The following CYFIP2 variants were observed in gnomAD, a reference collection of about 807,000 sequenced individuals.
CYFIP2 encodes the protein cytoplasmic FMR1-interacting protein 2.
In CYFIP2, 29 loss-of-function variants were observed where a neutral mutation model predicts 158.7. That is an observed-to-expected ratio of 0.18 (90% CI 0.14 to 0.25). The LOEUF (loss-of-function observed/expected upper bound fraction) is 0.25. CYFIP2 is among the 10% of genes least tolerant of loss of function. CYFIP2 has a pLI of 1.00. For missense variants in CYFIP2, 852 were observed against 1,639.5 expected, an observed-to-expected ratio of 0.52 and a Z score of 8.29; for synonymous variants, 585 against 617.6, an observed-to-expected ratio of 0.95 and a Z score of 0.78.
chr5:157,295,328 T>TC (rs374873303), intron 4 of CYFIP2, among the ~76,000 whole-genome samples: 2 of 152,252 alleles, frequency 1.3e-5, no homozygotes, highest in Non-Finnish European at 2.9e-5. Flanking sequence ...CTTGCTTTTT[T>TC]CCCCACTTAA....
At chr5:157,388,489 C>T (rs575928714) in intron 28 of CYFIP2, among the ~76,000 whole-genome samples, 9 of 152,366 alleles carry the variant, frequency 5.9e-5, no homozygotes, top group Admixed American at 6.5e-5. Flanking sequence ...GACAATCCCA[C>T]TCACTACTCC....
intron 26 of CYFIP2, among the ~76,000 whole-genome samples, chr5:157,378,802 G>T (rs887776362): frequency 6.6e-6 from 1 of 152,182 alleles, no homozygotes; most frequent in Non-Finnish European, 1.5e-5. Flanking sequence ...AATGTTCATT[G>T]CCTCTCCTTC....
intron 1 of CYFIP2, among the ~76,000 whole-genome samples, chr5:157,282,060 A>G (rs1757030808): frequency 1.3e-5 from 2 of 152,220 alleles, no homozygotes; most frequent in South Asian, 4.1e-4. Flanking sequence ...TTATCCAGAC[A>G]GTCCTCTGTT....
chr5:157,331,180 A>G (rs1439783073), intron 20 of CYFIP2, among the ~76,000 whole-genome samples: 3 of 151,946 alleles, frequency 2.0e-5, no homozygotes, highest in Non-Finnish European at 4.4e-5. Flanking sequence ...TCTGTCCCTG[A>G]ACAGGGCCCA....
chr5:157,324,236 T>C (rs1277666854), intron 16 of CYFIP2, among the ~76,000 whole-genome samples, 162 bp downstream of exon 16: 3 of 152,246 alleles, frequency 2.0e-5, no homozygotes, highest in African/African-American at 7.2e-5. Context: ...CAGTGGGCTT[T>C]TGGAGCTAGG....
chr5:157,284,650 C>G (rs1022371154), intron 1 of CYFIP2, among the ~76,000 whole-genome samples: 2 of 152,214 alleles, frequency 1.3e-5, no homozygotes, highest in African/African-American at 2.4e-5. Flanking sequence ...GCTTCTAATC[C>G]TGCCAAACAT....
chr5:157,310,358 G>T (rs1759605629), intron 10 of CYFIP2, among the ~76,000 whole-genome samples: 1 of 152,166 alleles, frequency 6.6e-6, no homozygotes, highest in East Asian at 1.9e-4. Flanking sequence ...TGCTCTTTTG[G>T]TCTCTGAGGC....
rs192793583 is a variant in CYFIP2 at position 157,317,524 on chromosome 5, C to T, written c.1357-2238C>T. ...TCTACTTTGGGAAATGAGGATATAG[C>T]TCTCTCCTTCCTACCTCCCATCCCT... is the stretch of plus-strand genomic sequence containing the variant. On this transcript the variant is annotated intron_variant, in intron 13 of 30. Coordinates refer to ENST00000620254, the MANE Select transcript of CYFIP2 (RefSeq NM_001037333.3). Among the ~76,000 whole-genome samples, 9 of 152,206 alleles carry T rather than the reference C, an allele frequency of 5.9e-5. No homozygotes were observed. The East Asian group carries it at 1.4e-3, about 23-fold the overall frequency.
intron 9 of CYFIP2, among the ~76,000 whole-genome samples, chr5:157,309,167 G>A (rs1759494465): frequency 6.6e-6 from 1 of 152,198 alleles, no homozygotes; most frequent in Non-Finnish European, 1.5e-5. Context: ...GCTATTGTGT[G>A]GCTTGAGATA....
chr5:157,391,178 C>T (rs1269083664), intron 30 of CYFIP2, among the ~76,000 whole-genome samples: 1 of 152,078 alleles, frequency 6.6e-6, no homozygotes, highest in Non-Finnish European at 1.5e-5. Flanking sequence ...GGGTAGGATG[C>T]TCCAGACAGC....
intron 14 of CYFIP2, among the ~76,000 whole-genome samples, chr5:157,320,236 A>G (rs1220907490): frequency 6.6e-6 from 1 of 152,218 alleles, no homozygotes; most frequent in Non-Finnish European, 1.5e-5. Flanking sequence ...GATGGTCCAT[A>G]TATAGACCTA....
Position 157,333,445 on chromosome 5 carries a change from T to C in CYFIP2, c.2384T>C (p.Val795Ala). 6.2e-7 allele frequency: 1 copy of C among 1,613,876 alleles called. No individual in the cohort carries two copies. Among genetic ancestry groups the C allele is most frequent in the Non-Finnish European group, 8.5e-7 (1 of 1,179,836 alleles). The change falls in exon 21 of 31, where the codon GTG becomes GCG. Residue 795 changes from valine to alanine, a missense_variant and splice_region_variant. Physicochemically the swap from Val to Ala is moderately conservative, Grantham distance 64 (BLOSUM62 0). This residue lies in a region of CYFIP2 where 191 missense variants were observed against 311.2 expected (regional missense o/e 0.61). Transcript: ENST00000620254. ...RFESEDLTSIVELEWLLEINR... is the reference protein window; with the variant it reads ...RFESEDLTSIAELEWLLEINR... ...GAGAGTGAGGACCTGACCTCCATTG[T>C]GGTAAGAGTCTGGGAGCGTGTGGGA...
At chr5:157,303,315 T>A (rs1043164595) in intron 7 of CYFIP2, among the ~76,000 whole-genome samples, 1 of 152,192 alleles carries the variant, frequency 6.6e-6, no homozygotes, top group Non-Finnish European at 1.5e-5. Context: ...GAGAAATAAA[T>A]GATACCAGTA....
intron 29 of CYFIP2, 57 bp from the exon 30 acceptor site, chr5:157,390,464 C>A: frequency 7.6e-7 from 1 of 1,308,120 alleles, no homozygotes; most frequent in Non-Finnish European, 1.1e-6. Context: ...GGCTCCCTCC[C>A]TCCCTGCCCT....
intron 23 of CYFIP2, among the ~76,000 whole-genome samples, chr5:157,346,384 G>A (rs1314830223): frequency 6.6e-6 from 1 of 152,172 alleles, no homozygotes; most frequent in Non-Finnish European, 1.5e-5. Context: ...ACTAGTTAAG[G>A]ATCTCAAGAT....
In CYFIP2 at chr5:157,296,738, G is replaced by C. The variant is rs566420283; in HGVS notation, c.351G>C (p.Pro117=). The change falls in exon 5 of 31, where the codon CCG becomes CCC. Residue 117 remains proline, a synonymous_variant. Transcript: ENST00000620254. ...AGAAGACAGTAGAGGTGCTGGAGCC[G>C]GAGGTCACCAAGCTCATGAAGTTCA... ...IYEKTVEVLE[P]EVTKLMKFMY... The C allele has an allele frequency of 6.2e-7, 1 of 1,613,652 alleles. No individual in the cohort carries two copies. The highest frequency in any genetic ancestry group is 1.1e-5 in the South Asian group (1 of 91,070).
intron 8 of CYFIP2, among the ~76,000 whole-genome samples, chr5:157,305,866 A>G (rs561729428): frequency 3.9e-5 from 6 of 152,136 alleles, no homozygotes; most frequent in Non-Finnish European, 7.4e-5. Flanking sequence ...CTATGCTTAT[A>G]TATTTTCAAA....
At chr5:157,318,610 A>G (rs1236010685) in intron 13 of CYFIP2, among the ~76,000 whole-genome samples, 1 of 152,252 alleles carries the variant, frequency 6.6e-6, no homozygotes, top group Non-Finnish European at 1.5e-5. Flanking sequence ...GTTTTAGAGA[A>G]AAAAACAGCC....
At chr5:157,300,984 T>A (rs1758698716) in intron 6 of CYFIP2, 88 bp downstream of exon 6, 4 of 1,203,138 alleles carry the variant, frequency 3.3e-6, no homozygotes, top group African/African-American at 1.5e-5. Context: ...ATGGAGCCCC[T>A]CTCACCTGCT....
Sources: gnomAD v4.1 joint callset for allele counts (sites outside exome capture counted in the v4.1 genomes callset) on GRCh38, gnomAD v4.1.1 for gene constraint, gnomAD v4.1.1 regional missense constraint, MANE v1.5 for transcripts, NCBI Gene and HGNC (gene_info 2026-07-23, HGNC 2026-07-21) for gene names.